Variants in CELSR1 observed in about 807,000 individuals in gnomAD.
CELSR1 encodes adhesion G protein-coupled receptor C1.
A neutral mutation model predicts 249.1 loss-of-function variants in CELSR1; 110 were observed. The observed-to-expected ratio is 0.44, with a 90% CI of 0.38 to 0.52. CELSR1 has a LOEUF of 0.52. CELSR1 is among the 20% of genes least tolerant of loss of function. CELSR1 has a pLI of 0.00. For missense variants in CELSR1, 4,109 were observed against 4,296.4 expected (o/e 0.96, Z 1.22); for synonymous variants, 2,113 against 1,900.0 (o/e 1.11, Z -2.92).
chr22:46,463,621 G>T (rs954186595), intron 2 of CELSR1, 86 bp downstream of exon 2: 5 of 1,377,610 alleles, frequency 3.6e-6, no homozygotes, highest in Non-Finnish European at 4.8e-6. Flanking sequence ...TCCCCGGAGG[G>T]AAGTAAACAG....
In CELSR1 at chr22:46,536,287, T is replaced by C. The variant is rs1263688590; in HGVS notation, c.884A>G (p.Tyr295Cys). The C allele has an allele frequency of 1.9e-6, 3 of 1,612,526 alleles. No individual in the cohort carries two copies. Among genetic ancestry groups the C allele is most frequent in the East Asian group, 2.2e-5 (1 of 44,876 alleles). The part of the protein sequence containing the change: ...EGLFDERSRG[Y>C]FRIDSATGAV... ...GCCCGTGGCAGAGTCGATTCGGAAGTAGCCCCGGGAGCGCTCGTCGAACAG... is the reference window on the plus strand; with the variant it reads ...GCCCGTGGCAGAGTCGATTCGGAAGCAGCCCCGGGAGCGCTCGTCGAACAG... Residue 295 changes from tyrosine (Y) to cysteine (C), a missense_variant, in exon 1 of 35, where the codon TAC becomes TGC. Physicochemically the swap from Tyr to Cys is radical, Grantham distance 194. Transcript: ENST00000674500.
Position 46,453,199 on chromosome 22 carries a change from AGGGCTGGAAGGGACG to A in CELSR1, c.4183+10493_4183+10507del, listed in dbSNP as rs1358847556. 2.6e-5 allele frequency among the ~76,000 whole-genome samples: 4 copies of A among 152,316 alleles called. No homozygotes were observed. The East Asian group carries it at 5.8e-4, about 22-fold the overall frequency. ...GGTGAGCCAGGCAGCTGTGCACAGC[AGGGCTGGAAGGGACG>A]TGCCCGGTGCGTTCGTTATCAGCAT... On this transcript the variant is annotated intron_variant, in intron 2 of 34. Transcript: ENST00000674500.
Position 46,433,169 on chromosome 22 carries a change from G to A in CELSR1, c.4611+224C>T, listed in dbSNP as rs1434933446. Among the ~76,000 whole-genome samples the A allele has an allele frequency of 2.0e-5, 3 of 152,094 alleles. No homozygotes were observed. The highest frequency in any genetic ancestry group is 6.5e-5 in the Admixed American group (1 of 15,274). The stretch of plus-strand genomic sequence containing the variant: ...AGCCTCCTGAGTAGCTGGGATTACA[G>A]GCACCCGCCACCACGCCCGGCTAAT... On this transcript the variant is annotated intron_variant, in intron 5 of 34. Transcript: ENST00000674500. This position sits in a 1 kb window ranked among gnomAD's most constrained non-coding sequence, Gnocchi z 5.7.
intron 20 of CELSR1, among the ~76,000 whole-genome samples, chr22:46,383,091 C>A (rs2078996969): frequency 6.6e-6 from 1 of 152,120 alleles, no homozygotes; most frequent in Non-Finnish European, 1.5e-5. Context: ...CCAGGAATGG[C>A]TTGGTGCCCC....
At chr22:46,523,915 C>G (rs2080711449) in intron 1 of CELSR1, among the ~76,000 whole-genome samples, 1 of 152,202 alleles carries the variant, frequency 6.6e-6, no homozygotes, top group Non-Finnish European at 1.5e-5. Flanking sequence ...AGCCTCAGCC[C>G]CTCCCACAGT....
In CELSR1 at chr22:46,362,520, G is replaced by GT. The variant is rs1396334195; in HGVS notation, c.*702dup. The GT allele has an allele frequency of 6.6e-6, 1 of 152,554 alleles. No individual in the cohort carries two copies. The highest frequency in any genetic ancestry group is 1.9e-4 in the East Asian group (1 of 5,198). The allele number at this position is 152,554 out of a possible 1,614,324, so 9.5% of individuals were successfully genotyped here. ...GCTTGGTTTTAGCCCCACTGCTGAC[G>GT]TATTTCCCACCTTTGATCTGCTGGG... On this transcript the variant is annotated 3_prime_UTR_variant, in exon 35 of 35. Transcript: ENST00000674500.
At chr22:46,519,494 C>G (rs1009789843) in intron 1 of CELSR1, among the ~76,000 whole-genome samples, 1 of 152,218 alleles carries the variant, frequency 6.6e-6, no homozygotes, top group Non-Finnish European at 1.5e-5. Context: ...CGGGTTGGCC[C>G]GGGGAGCAGC....
rs555013591 is a variant in CELSR1, at chr22:46,512,369, G to A, written c.3544+21258C>T. Among the ~76,000 whole-genome samples, 24 of 152,294 alleles carry A rather than the reference G, an allele frequency of 1.6e-4. No individual in the cohort carries two copies. The highest frequency in any genetic ancestry group is 5.3e-4 in the African/African-American group (22 of 41,562). ...GCGGATCACATGAGGTCAGGAGATCGAGACCATCCTGGCCAATATGGTGAA... is the reference window on the plus strand; with the variant it reads ...GCGGATCACATGAGGTCAGGAGATCAAGACCATCCTGGCCAATATGGTGAA... On this transcript the variant is annotated intron_variant, in intron 1 of 34. Coordinates refer to ENST00000674500, the MANE Select transcript of CELSR1 (RefSeq NM_001378328.1). The surrounding 1 kb of genome is among the most constrained non-coding windows in gnomAD (Gnocchi z 5.2).
In CELSR1 at chr22:46,410,393, C is replaced by T. The variant is rs781582654; in HGVS notation, c.4933+5G>A. 1.1e-5 allele frequency: 18 copies of T among 1,612,386 alleles called. No homozygotes were observed. The highest frequency in any genetic ancestry group is 2.7e-5 in the African/African-American group (2 of 74,922). ...CAGCTCCGACGCCCTGACGGCCACCCGTACCTTCCCGGGTGCCATTGTTGG... is the reference window on the plus strand; with the variant it reads ...CAGCTCCGACGCCCTGACGGCCACCTGTACCTTCCCGGGTGCCATTGTTGG... On this transcript the variant is annotated splice_donor_5th_base_variant and intron_variant, in intron 7 of 34. Coordinates refer to ENST00000674500, the MANE Select transcript of CELSR1 (RefSeq NM_001378328.1). The surrounding 1 kb of genome is among the most constrained non-coding windows in gnomAD (Gnocchi z 6.8).
chr22:46,443,998 G>A (rs981695740), intron 2 of CELSR1, among the ~76,000 whole-genome samples: 7 of 152,212 alleles, frequency 4.6e-5, no homozygotes, highest in African/African-American at 7.2e-5. Flanking sequence ...ACCCAACCTC[G>A]ACGGCAAACA....
chr22:46,379,855 T>C lies in CELSR1; in HGVS notation c.7256+933A>G, dbSNP rs544850458. On this transcript the variant is annotated intron_variant, in intron 22 of 34. Coordinates refer to ENST00000674500, the MANE Select transcript of CELSR1 (RefSeq NM_001378328.1). ...TCCCCTTCCCGGCACTCCCTCCCGGTGTGTGGGGAGGCAGTGGGTCTTCCC... is the reference window on the plus strand; with the variant it reads ...TCCCCTTCCCGGCACTCCCTCCCGGCGTGTGGGGAGGCAGTGGGTCTTCCC... Among the ~76,000 whole-genome samples, 4 of 152,246 alleles carry C rather than the reference T, an allele frequency of 2.6e-5. No homozygotes were observed. In the South Asian group the frequency reaches 8.3e-4, roughly 32 times the overall value.
At chr22:46,493,951 C>T (rs2080390939) in intron 1 of CELSR1, among the ~76,000 whole-genome samples, 1 of 152,124 alleles carries the variant, frequency 6.6e-6, no homozygotes, top group South Asian at 2.1e-4. Flanking sequence ...TACCTTACTT[C>T]TCCGAGTAAG....
chr22:46,369,413 C>A (rs2078825886), intron 26 of CELSR1, among the ~76,000 whole-genome samples, 155 bp from the exon 27 acceptor site: 1 of 152,234 alleles, frequency 6.6e-6, no homozygotes, highest in South Asian at 2.1e-4. Flanking sequence ...CCTGTCCACC[C>A]ACTGCCCCAC....
Position 46,518,911 on chromosome 22 carries a change from T to A in CELSR1, c.3544+14716A>T, listed in dbSNP as rs190216339. On this transcript the variant is annotated intron_variant, in intron 1 of 34. Coordinates refer to ENST00000674500, the MANE Select transcript of CELSR1 (RefSeq NM_001378328.1). This position sits in a 1 kb window ranked among gnomAD's most constrained non-coding sequence, Gnocchi z 5.2. Reference sequence around the variant, plus strand: ...AGCTGGACGTGGTGGCGCATGCCTGTAATCCCAGCTACTCGGGAGGCAGAG... The same window carrying A: ...AGCTGGACGTGGTGGCGCATGCCTGAAATCCCAGCTACTCGGGAGGCAGAG... 1.3e-5 allele frequency among the ~76,000 whole-genome samples: 2 copies of A among 152,094 alleles called. No individual in the cohort carries two copies. Among genetic ancestry groups the A allele is most frequent in the Admixed American group, 1.3e-4 (2 of 15,270 alleles).
At chr22:46,525,518 T>A (rs28404004) in intron 1 of CELSR1, among the ~76,000 whole-genome samples, 1 of 151,944 alleles carries the variant, frequency 6.6e-6, no homozygotes, top group Non-Finnish European at 1.5e-5. Context: ...TCTAGGGAAT[T>A]TGGGGCATTT....
In CELSR1 at chr22:46,413,939, T is replaced by C. The variant is rs2079367094; in HGVS notation, c.4612-2180A>G. Among the ~76,000 whole-genome samples the C allele has an allele frequency of 6.6e-6, 1 of 152,156 alleles. No homozygotes were observed. Among genetic ancestry groups the C allele is most frequent in the African/African-American group, 2.4e-5 (1 of 41,426 alleles). ...GCGTGAGACTACTGGAGGAAGGGCG[T>C]AAGTAGCATTTACACTGGGAAGGCT... On this transcript the variant is annotated intron_variant, in intron 5 of 34. Coordinates refer to ENST00000674500, the MANE Select transcript of CELSR1 (RefSeq NM_001378328.1). The surrounding 1 kb of genome is among the most constrained non-coding windows in gnomAD (Gnocchi z 4.7).
chr22:46,496,801 C>T (rs1239585853), intron 1 of CELSR1, among the ~76,000 whole-genome samples: 1 of 151,992 alleles, frequency 6.6e-6, no homozygotes, highest in East Asian at 1.9e-4. Context: ...ACTAATAATG[C>T]CTTCTTCTGG....
chr22:46,534,297 C>A lies in CELSR1; in HGVS notation c.2874G>T (p.Arg958=), dbSNP rs1265826728. Residue 958 remains arginine (R), a synonymous_variant, in exon 1 of 35, where the codon CGG becomes CGT. Transcript: ENST00000674500. This position sits in a 1 kb window ranked among gnomAD's most constrained non-coding sequence, Gnocchi z 9.7. ...GVIRTQRRLD[R]ENVAVYNLWA... ...AAAGGTTGTACACGGCCACATTCTC[C>A]CGGTCCAGCCGGCGCTGGGTGCGAA... 6.2e-7 allele frequency: 1 copy of A among 1,613,176 alleles called. No homozygotes were observed. Among genetic ancestry groups the A allele is most frequent in the African/African-American group, 1.3e-5 (1 of 75,068 alleles).
Position 46,410,652 on chromosome 22 carries a change from AC to A in CELSR1, c.4770-92del. 7.6e-7 allele frequency: 1 copy of A among 1,316,778 alleles called. No individual in the cohort carries two copies. The highest frequency in any genetic ancestry group is 1.1e-6 in the Non-Finnish European group (1 of 938,482). 81.6% of individuals were successfully genotyped at this position (1,316,778 alleles called of 1,614,324 possible). ...CCGCAGTTGCCTCTGTGTAGCCTCT[AC>A]CACCATAACTACTTCAGAAACCAAG... On this transcript the variant is annotated intron_variant, in intron 6 of 34. Transcript: ENST00000674500. This position sits in a 1 kb window ranked among gnomAD's most constrained non-coding sequence, Gnocchi z 6.8.
Sources: allele counts gnomAD v4.1 joint callset (sites outside exome capture counted in the v4.1 genomes callset), GRCh38; gene constraint gnomAD v4.1.1; non-coding constraint Gnocchi (gnomAD v3.1); transcripts MANE v1.5; gene names NCBI Gene and HGNC (gene_info 2026-07-23, HGNC 2026-07-21).